Variants in AKAP9 observed in about 807,000 individuals in gnomAD.
AKAP9 encodes A-kinase anchoring protein 9, also known as A-kinase anchor protein 9.
AKAP9 carries 311 observed loss-of-function variants against 488.5 expected under a neutral mutation model. The observed-to-expected ratio is 0.64, with a 90% CI of 0.58 to 0.70. The LOEUF (loss-of-function observed/expected upper bound fraction) is 0.70. Ranked by LOEUF, AKAP9 falls within the 30% of genes least tolerant of loss-of-function variation. AKAP9 has a pLI of 0.00. For missense variants in AKAP9, 4,215 were observed against 4,374.5 expected, an observed-to-expected ratio of 0.96 and a Z score of 1.03; for synonymous variants, 1,462 against 1,483.5, an observed-to-expected ratio of 0.99 and a Z score of 0.33.
chr7:92,014,508 A>G (rs1176232292), intron 10 of AKAP9, among the ~76,000 whole-genome samples, 180 bp downstream of exon 10: 2 of 152,174 alleles, frequency 1.3e-5, no homozygotes, highest in African/African-American at 2.4e-5. Flanking sequence ...GTGTGCCTAT[A>G]GTCCCAGCTA....
At chr7:92,026,354 T>C (rs1444867660) in intron 14 of AKAP9, among the ~76,000 whole-genome samples, 1 of 152,116 alleles carries the variant, frequency 6.6e-6, no homozygotes, top group Non-Finnish European at 1.5e-5. Flanking sequence ...TTCTCTCTCT[T>C]TCCACGGTCT....
intron 3 of AKAP9, among the ~76,000 whole-genome samples, chr7:91,990,049 C>G (rs1169755971): frequency 6.6e-6 from 1 of 151,966 alleles, no homozygotes; most frequent in Non-Finnish European, 1.5e-5. Flanking sequence ...TTTCCCAGAT[C>G]TTTAAGTTAT....
At chr7:92,042,501 A>G (rs1378115521) in intron 19 of AKAP9, among the ~76,000 whole-genome samples, 167 bp from the exon 20 acceptor site, 1 of 152,206 alleles carries the variant, frequency 6.6e-6, no homozygotes, top group African/African-American at 2.4e-5. Flanking sequence ...TCCTCTTTTG[A>G]TAACACTAAT....
chr7:91,957,362 A>G (rs1793146168), intron 1 of AKAP9, among the ~76,000 whole-genome samples: 2 of 152,204 alleles, frequency 1.3e-5, no homozygotes, highest in South Asian at 4.1e-4. Flanking sequence ...ATAATAAAAA[A>G]CATTTTGAAA....
At chr7:92,037,142 A>G (rs1438939097) in intron 16 of AKAP9, among the ~76,000 whole-genome samples, 1 of 152,196 alleles carries the variant, frequency 6.6e-6, no homozygotes, top group Non-Finnish European at 1.5e-5. Flanking sequence ...TGGTATTATA[A>G]TTATTCCTCA....
In AKAP9 at chr7:91,980,321, C is replaced by T. The variant is rs1384886142; in HGVS notation, c.339C>T (p.Asp113=). The change falls in exon 3 of 50, where the codon GAC becomes GAT. Residue 113 remains aspartate (D), a synonymous_variant. Transcript: ENST00000356239. Reference sequence around the variant, plus strand: ...GTGAAATTTCAACCACAGCAGATGACTGCAGTTCAGAGGTAAGACTAAATT... The same window carrying T: ...GTGAAATTTCAACCACAGCAGATGATTGCAGTTCAGAGGTAAGACTAAATT... ...LESEISTTAD[D]CSSEVNGCSF... 1.8e-5 allele frequency: 29 copies of T among 1,577,006 alleles called. No individual in the cohort carries two copies. The highest frequency in any genetic ancestry group is 2.4e-5 in the Non-Finnish European group (28 of 1,153,376).
In AKAP9 at chr7:91,994,717, A is replaced by G; in HGVS notation, c.673A>G (p.Met225Val). 6.2e-7 allele frequency: 1 copy of G among 1,613,414 alleles called. No homozygotes were observed. The highest frequency in any genetic ancestry group is 8.5e-7 in the Non-Finnish European group (1 of 1,179,666). Reference protein sequence around the residue: ...QQARREKDETMREFLELTEQS... With the variant: ...QQARREKDETVREFLELTEQS... ...AGCAAGAAGAGAAAAGGATGAGACA[A>G]TGAGAGAATTTTTAGAGTTGACAGA... The change falls in exon 6 of 50, where the codon ATG (methionine) becomes GTG (valine). Residue 225 changes from methionine (M) to valine (V), a missense_variant. Around this residue, in one of 5 missense-constraint regions of AKAP9, gnomAD observed 2,361 missense variants for 2,430.0 expected, o/e 0.97. Transcript: ENST00000356239.
At chr7:92,046,019 A>C (rs1445261099) in intron 21 of AKAP9, among the ~76,000 whole-genome samples, 33 of 151,700 alleles carry the variant, frequency 2.2e-4, no homozygotes, top group Admixed American at 2.2e-3. Context: ...TTTTTAGTAG[A>C]GACAGGATTT....
chr7:91,982,399 T>G (rs1396090343), intron 3 of AKAP9, among the ~76,000 whole-genome samples: 2 of 152,094 alleles, frequency 1.3e-5, no homozygotes, highest in African/African-American at 4.8e-5. Context: ...TGTCCAAGTG[T>G]TCTCAATGTT....
intron 20 of AKAP9, 189 bp downstream of exon 20, chr7:92,042,960 A>G: frequency 2.5e-6 from 1 of 395,716 alleles, no homozygotes; most frequent in Non-Finnish European, 4.6e-6. Flanking sequence ...CATTAAATAG[A>G]TAACATTTTA....
chr7:92,108,776 A>T (rs1818927553), intron 49 of AKAP9, 143 bp downstream of exon 49: 6 of 987,882 alleles, frequency 6.1e-6, no homozygotes, highest in Non-Finnish European at 9.5e-6. Context: ...GCCAAAGCTT[A>T]AACTCTTGTA....
At chr7:92,036,872 G>T (rs919116435) in intron 16 of AKAP9, among the ~76,000 whole-genome samples, 1 of 152,130 alleles carries the variant, frequency 6.6e-6, no homozygotes, top group Non-Finnish European at 1.5e-5. Flanking sequence ...GCCGTAATGG[G>T]TATATGTTCC....
At chr7:92,012,730 A>T (rs1177249613) in intron 9 of AKAP9, 88 bp downstream of exon 9, 3 of 1,097,080 alleles carry the variant, frequency 2.7e-6, no homozygotes, top group Admixed American at 4.1e-5. Flanking sequence ...TTGTCATAGA[A>T]CCCACAGAGG....
intron 22 of AKAP9, among the ~76,000 whole-genome samples, chr7:92,056,908 C>A (rs1364061069): frequency 5.3e-5 from 8 of 151,674 alleles, no homozygotes; most frequent in African/African-American, 1.9e-4. Flanking sequence ...AGGGTTTTTT[C>A]CTTTCTTTAA....
chr7:91,955,760 A>G (rs1792906330), intron 1 of AKAP9, among the ~76,000 whole-genome samples: 2 of 152,044 alleles, frequency 1.3e-5, no homozygotes, highest in Non-Finnish European at 2.9e-5. Flanking sequence ...CAGCCTCCCA[A>G]GTGGCTGGGA....
rs141990258 is a variant in AKAP9 at position 92,042,055 on chromosome 7, A to C, written c.4927A>C (p.Ile1643Leu). The change falls in exon 19 of 50, where the codon ATA becomes CTA. Residue 1643 changes from isoleucine (I) to leucine (L), a missense_variant. This residue lies in a region of AKAP9 where 2,361 missense variants were observed against 2,430.0 expected (regional missense o/e 0.97). Coordinates refer to ENST00000356239, the MANE Select transcript of AKAP9 (RefSeq NM_005751.5). The stretch of plus-strand genomic sequence containing the variant: ...CTTTTTTCTTATTTAGAGATCCTCC[A>C]TAGATAATGAAAACCTGGTTTCAGA... ...LNRQLAQRSSIDNENLVSERE... is the reference protein window; with the variant it reads ...LNRQLAQRSSLDNENLVSERE... 3.1e-5 allele frequency: 50 copies of C among 1,613,628 alleles called. No individual in the cohort carries two copies. The highest frequency in any genetic ancestry group is 2.2e-4 in the Admixed American group (13 of 59,950).
chr7:92,091,850 CTAAAT>C (rs1175385307), intron 38 of AKAP9: 1 of 151,600 alleles, frequency 6.6e-6, no homozygotes, highest in African/African-American at 2.4e-5. Flanking sequence ...TTTTAGAAGC[CTAAAT>C]TAAACATGAT....
intron 12 of AKAP9, 121 bp from the exon 13 acceptor site, chr7:92,022,117 G>C (rs568218472): frequency 1.3e-6 from 1 of 751,352 alleles, no homozygotes; most frequent in African/African-American, 1.7e-5. Flanking sequence ...GCTTGTATTA[G>C]AGTGCCACAA....
intron 41 of AKAP9, 100 bp downstream of exon 41, chr7:92,097,457 G>A: frequency 1.3e-6 from 2 of 1,518,686 alleles, no homozygotes; most frequent in Non-Finnish European, 8.9e-7. Context: ...ATAGCTATAT[G>A]TAAATCACTT....
Sources: allele counts gnomAD v4.1 joint callset (sites outside exome capture counted in the v4.1 genomes callset), GRCh38; gene constraint gnomAD v4.1.1; regional missense constraint gnomAD v4.1.1; transcripts MANE v1.5; gene names NCBI Gene and HGNC (gene_info 2026-07-23, HGNC 2026-07-21).